NPM1: variants seen among roughly 807,000 people sequenced by gnomAD.
NPM1 encodes the protein nucleophosmin.
NPM1 carries 1 observed loss-of-function variant against 44.1 expected under a neutral mutation model. That is an observed-to-expected ratio of 0.02 (90% CI 0.01 to 0.11). NPM1 has a LOEUF of 0.11. NPM1 is among the 10% of genes least tolerant of loss of function. The pLI is 1.00. For synonymous variants in NPM1, 126 were observed against 111.8 expected (o/e 1.13, Z -0.80); for missense variants, 197 against 347.8 (o/e 0.57, Z 3.45).
chr5:171,405,653 A>G (rs1039046647), intron 9 of NPM1: 10 of 436,532 alleles, frequency 2.3e-5, no homozygotes, highest in Middle Eastern at 6.3e-4. Flanking sequence ...TGGTTGCAAG[A>G]TAACATTCTG....
chr5:171,406,918 A>G (rs1027060518), intron 9 of NPM1: 4 of 168,820 alleles, frequency 2.4e-5, no homozygotes, highest in Non-Finnish European at 5.1e-5. Flanking sequence ...TAAATTTAGT[A>G]AAAACAAATA....
chr5:171,389,094 C>T (rs1325653604), intron 1 of NPM1, among the ~76,000 whole-genome samples: 1 of 152,162 alleles, frequency 6.6e-6, no homozygotes, highest in Non-Finnish European at 1.5e-5. Context: ...GGAGCACCAC[C>T]CCCCTCGACT....
intron 8 of NPM1, among the ~76,000 whole-genome samples, 154 bp from the exon 9 acceptor site, chr5:171,405,148 T>C (rs1408244280): frequency 1.3e-5 from 2 of 152,178 alleles, no homozygotes; most frequent in Non-Finnish European, 2.9e-5. Flanking sequence ...AGAACAAAAT[T>C]ATATGGCGTG....
intron 6 of NPM1, among the ~76,000 whole-genome samples, chr5:171,394,226 G>A (rs1770755236): frequency 6.6e-6 from 1 of 151,888 alleles, no homozygotes; most frequent in Non-Finnish European, 1.5e-5. Context: ...ATTTAGTAGA[G>A]ACAGGGTTTC....
At chr5:171,405,527 G>T in intron 9 of NPM1, 124 bp downstream of exon 9, 2 of 632,654 alleles carry the variant, frequency 3.2e-6, no homozygotes, top group South Asian at 1.9e-5. Context: ...CCTGGTTCGT[G>T]GTATGAATTT....
At chr5:171,401,638 CTA>C (rs952792961) in intron 8 of NPM1, among the ~76,000 whole-genome samples, 75 of 152,240 alleles carry the variant, frequency 4.9e-4, no homozygotes, top group African/African-American at 1.8e-3. Context: ...GGGTTTCACT[CTA>C]TATGTTGGCC....
At chr5:171,401,569 T>TGGGA (rs1299645645) in intron 8 of NPM1, among the ~76,000 whole-genome samples, 2 of 152,150 alleles carry the variant, frequency 1.3e-5, no homozygotes, top group Non-Finnish European at 2.9e-5. Context: ...CCCAAGTAGC[T>TGGGA]GGGACTACAT....
At chr5:171,388,650 C>A (rs1354542528) in intron 1 of NPM1, among the ~76,000 whole-genome samples, 2 of 152,142 alleles carry the variant, frequency 1.3e-5, no homozygotes. Context: ...TGTTGCCACT[C>A]GTGAGCCAGG....
intron 9 of NPM1, 187 bp downstream of exon 9, chr5:171,405,590 A>G: frequency 5.1e-6 from 3 of 587,434 alleles, no homozygotes; most frequent in East Asian, 3.0e-5. Flanking sequence ...TGATTTTTGC[A>G]TATGCAAAAT....
Position 171,405,357 on chromosome 5 carries a change from G to C in NPM1, c.725G>C (p.Ser242Thr). 1 of 1,597,350 alleles carries C rather than the reference G, an allele frequency of 6.3e-7. No individual in the cohort carries two copies. Among genetic ancestry groups the C allele is most frequent in the Non-Finnish European group, 8.6e-7 (1 of 1,168,200 alleles). Residue 242 changes from serine to threonine, a missense_variant, in exon 9 of 11, where the codon AGT (serine) becomes ACT (threonine). Ser to Thr is a moderately conservative substitution (Grantham distance 58). Coordinates refer to ENST00000296930, the MANE Select transcript of NPM1 (RefSeq NM_002520.7). ...ACTCCTAAAACACCAAAAGGACCTA[G>C]TTCTGTAGAAGACATTAAAGCAAAA... Reference protein sequence around the residue: ...EKTPKTPKGPSSVEDIKAKMQ... With the variant: ...EKTPKTPKGPTSVEDIKAKMQ...
intron 6 of NPM1, among the ~76,000 whole-genome samples, chr5:171,393,738 A>C (rs919371760): frequency 1.3e-5 from 2 of 152,226 alleles, no homozygotes; most frequent in African/African-American, 4.8e-5. Flanking sequence ...TGAAAGATCA[A>C]ATTGGGAGTT....
intron 6 of NPM1, among the ~76,000 whole-genome samples, chr5:171,395,159 A>G (rs1264512302): frequency 2.0e-5 from 3 of 152,208 alleles, no homozygotes; most frequent in Non-Finnish European, 4.4e-5. Flanking sequence ...CATCCTGGGC[A>G]ACAGAGGGAG....
At chr5:171,396,597 C>A (rs12189191) in intron 6 of NPM1, among the ~76,000 whole-genome samples, 1 of 152,044 alleles carries the variant, frequency 6.6e-6, no homozygotes, top group Admixed American at 6.5e-5. Context: ...GAGACCAGTA[C>A]GTTCAGTTGT....
intron 6 of NPM1, among the ~76,000 whole-genome samples, chr5:171,394,022 CTG>C (rs1195800659): frequency 6.7e-6 from 1 of 149,334 alleles, no homozygotes; most frequent in Non-Finnish European, 1.5e-5. Context: ...TAGTATTTGA[CTG>C]TTGCTGTTTT....
intron 10 of NPM1, among the ~76,000 whole-genome samples, chr5:171,410,061 G>T (rs541124939): frequency 7.9e-5 from 12 of 152,334 alleles, no homozygotes; most frequent in Admixed American, 5.9e-4. Flanking sequence ...CTCCCAAAGT[G>T]TAGGGATTAC....
At chr5:171,387,530 G>A (rs985106375), upstream of NPM1, 4 of 212,488 alleles carry the variant, frequency 1.9e-5, no homozygotes, top group Non-Finnish European at 3.8e-5. Flanking sequence ...CTTGGCGGGA[G>A]GCCGGCGCGC....
At chr5:171,406,552 A>T in intron 9 of NPM1, 1 of 1,486,388 alleles carries the variant, frequency 6.7e-7, no homozygotes, top group South Asian at 1.4e-5. Flanking sequence ...TTTGCCACCC[A>T]TGCCTCTTCA....
intron 10 of NPM1, 134 bp downstream of exon 10, chr5:171,407,908 T>TA (rs1426850506): frequency 1.6e-6 from 1 of 616,402 alleles, no homozygotes; most frequent in African/African-American, 1.9e-5. Flanking sequence ...TTTAATGAAA[T>TA]ACCTGAAAAC....
At chr5:171,409,256 T>TA (rs1771708769) in intron 10 of NPM1, among the ~76,000 whole-genome samples, 1 of 152,196 alleles carries the variant, frequency 6.6e-6, no homozygotes, top group Non-Finnish European at 1.5e-5. Flanking sequence ...GTTTTTGACA[T>TA]AGAGATGCAT....
Sources: allele counts gnomAD v4.1 joint callset (sites outside exome capture counted in the v4.1 genomes callset), GRCh38; gene constraint gnomAD v4.1.1; transcripts MANE v1.5; gene names NCBI Gene and HGNC (gene_info 2026-07-23, HGNC 2026-07-21).